The following WDR91 variants were observed in gnomAD, a reference collection of about 807,000 sequenced individuals.
WDR91 encodes WD repeat domain 91.
Under a neutral mutation model 88.4 loss-of-function variants are expected in WDR91, and 52 were observed. That is an observed-to-expected ratio of 0.59 (90% CI 0.47 to 0.74). WDR91 has a LOEUF of 0.74. WDR91 is among the 30% of genes least tolerant of loss of function. The pLI is 0.00. For missense variants in WDR91, 824 were observed against 954.5 expected, an observed-to-expected ratio of 0.86 and a Z score of 1.80; for synonymous variants, 362 against 389.5, an observed-to-expected ratio of 0.93 and a Z score of 0.83.
chr7:135,196,477 T>C lies in WDR91; in HGVS notation c.1051-140A>G, dbSNP rs898374398. The C allele has an allele frequency of 3.8e-6, 3 of 796,432 alleles. No individual in the cohort carries two copies. The highest frequency in any genetic ancestry group is 3.6e-5 in the African/African-American group (2 of 55,682). The allele number at this position is 796,432 out of a possible 1,614,324, so 49.3% of individuals were successfully genotyped here. On this transcript the variant is annotated intron_variant, in intron 7 of 14. Coordinates refer to ENST00000354475, the MANE Select transcript of WDR91 (RefSeq NM_014149.4). The surrounding 1 kb of genome is among the most constrained non-coding windows in gnomAD (Gnocchi z 4.2). ...CAGAGTGGAGAGGAGAGCTCTGACC[T>C]GCGAGGGTAGTGCTCAGCTCACCCT...
chr7:135,209,896 C>T, intron 1 of WDR91, 141 bp from the exon 2 acceptor site: 1 of 615,294 alleles, frequency 1.6e-6, no homozygotes, highest in Admixed American at 3.9e-5. Flanking sequence ...ATTTTCAAAA[C>T]ATACTAATGC....
chr7:135,204,534 C>G, intron 5 of WDR91, 101 bp from the exon 6 acceptor site: 5 of 1,345,212 alleles, frequency 3.7e-6, no homozygotes, highest in Non-Finnish European at 5.1e-6. Flanking sequence ...AGTGACCAGG[C>G]CTGGGTCAGG....
rs569151483 is a variant in WDR91 at position 135,201,641 on chromosome 7, C to A, written c.891+2627G>T. ...TTGCTAATTTAACAACAAAATACAG[C>A]CTATTTTTTGTGTGTGCTTATTCTT... On this transcript the variant is annotated intron_variant, in intron 6 of 14. Coordinates refer to ENST00000354475, the MANE Select transcript of WDR91 (RefSeq NM_014149.4). 4.6e-5 allele frequency: 7 copies of A among 152,248 alleles called. No individual in the cohort carries two copies. The East Asian group carries it at 1.3e-3, about 29-fold the overall frequency. 9.4% of individuals were successfully genotyped at this position (152,248 alleles called of 1,614,324 possible).
At chr7:135,193,989 A>C in intron 9 of WDR91, 8 of 288,640 alleles carry the variant, frequency 2.8e-5, no homozygotes, top group South Asian at 1.7e-4. Context: ...TCAGTTTGAA[A>C]CCCCAGCTGT....
At chr7:135,186,824 A>T in intron 14 of WDR91, 148 bp downstream of exon 14, 1 of 951,462 alleles carries the variant, frequency 1.1e-6, no homozygotes, top group Non-Finnish European at 1.6e-6. Flanking sequence ...CCCCAGCACT[A>T]GCTAGCCAGC....
chr7:135,211,395 C>G lies in WDR91; in HGVS notation c.108G>C (p.Lys36Asn). ...RQLDAEIKAD[K>N]EKGFRVDKIV... ...GGCCTCTCACCCGGAACCCCTTCTC[C>G]TTGTCCGCCTTGATCTCGGCGTCCA... The change falls in exon 1 of 15, where the codon AAG becomes AAC. Residue 36 changes from lysine (K) to asparagine (N), a missense_variant. Lys to Asn is a moderately conservative substitution (Grantham distance 94). Transcript: ENST00000354475. 1 of 1,611,176 alleles carries G rather than the reference C, an allele frequency of 6.2e-7. No individual in the cohort carries two copies. Among genetic ancestry groups the G allele is most frequent in the Non-Finnish European group, 8.5e-7 (1 of 1,178,906 alleles).
At chr7:135,207,756 C>T (rs292597) in intron 3 of WDR91, among the ~76,000 whole-genome samples, 96,443 of 152,134 alleles carry the variant, frequency 0.63, 31,435 homozygotes, top group Admixed American at 0.76. Flanking sequence ...GATACTGGTC[C>T]TTCTCCACTG....
chr7:135,193,932 T>C lies in WDR91; in HGVS notation c.1396-260A>G, dbSNP rs909328876. The C allele has an allele frequency of 2.0e-4, 90 of 442,002 alleles. 1 individual carries two copies. The highest frequency in any genetic ancestry group is 1.7e-3 in the African/African-American group (85 of 50,360). 27.4% of individuals were successfully genotyped at this position (442,002 alleles called of 1,614,324 possible). A position where few individuals can be genotyped will look rare whatever the true frequency, so the allele number is the denominator to read the frequency against. On this transcript the variant is annotated intron_variant, in intron 9 of 14. Transcript: ENST00000354475. ...AGAGACGCGTCACCTTGGACACATA[T>C]GGAAATGTTCTGGCTGGTGAATGAG... is the stretch of plus-strand genomic sequence containing the variant.
rs1717656474 is a variant in WDR91, at chr7:135,195,096, G to A, written c.1245-12C>T. 6 of 1,609,874 alleles carry A rather than the reference G, an allele frequency of 3.7e-6. No homozygotes were observed. The highest frequency in any genetic ancestry group is 5.1e-6 in the Non-Finnish European group (6 of 1,178,054). Reference sequence around the variant, plus strand: ...CAGAGCAGTCCACTCTGAGATGAGAGAAAAGGGAGGCCTGTCAGCTGGCCT... The same window carrying A: ...CAGAGCAGTCCACTCTGAGATGAGAAAAAAGGGAGGCCTGTCAGCTGGCCT... On this transcript the variant is annotated splice_polypyrimidine_tract_variant and intron_variant, in intron 8 of 14. Transcript: ENST00000354475.
intron 6 of WDR91, among the ~76,000 whole-genome samples, chr7:135,203,903 A>T (rs1831663817): frequency 6.6e-6 from 1 of 152,000 alleles, no homozygotes; most frequent in African/African-American, 2.4e-5. Flanking sequence ...GAGGTCTGGC[A>T]CTGCCTTGAT....
intron 11 of WDR91, among the ~76,000 whole-genome samples, chr7:135,189,999 T>G (rs2117635620): frequency 6.6e-6 from 1 of 152,308 alleles, no homozygotes; most frequent in African/African-American, 2.4e-5. Context: ...AAATTAAAAA[T>G]GCAAGATAGA....
intron 1 of WDR91, among the ~76,000 whole-genome samples, chr7:135,210,004 A>C (rs1562960046): frequency 6.6e-6 from 1 of 152,192 alleles, no homozygotes; most frequent in African/African-American, 2.4e-5. Flanking sequence ...CCAGAACCTA[A>C]GAGATCTGGC....
intron 11 of WDR91, among the ~76,000 whole-genome samples, chr7:135,190,578 A>G (rs1322331322): frequency 2.0e-5 from 3 of 152,214 alleles, no homozygotes. Context: ...TAGATTTATA[A>G]TGAGAACATA....
At chr7:135,210,958 C>G in intron 1 of WDR91, 1 of 702,648 alleles carries the variant, frequency 1.4e-6, no homozygotes, top group East Asian at 2.7e-5. Flanking sequence ...AAACAAACAC[C>G]GCAGATACTT....
intron 5 of WDR91, 84 bp from the exon 6 acceptor site, chr7:135,204,517 G>A (rs1831692344): frequency 1.4e-6 from 2 of 1,433,556 alleles, no homozygotes. Context: ...GGCTATGGAT[G>A]ACGTTAAGTG....
Position 135,193,414 on chromosome 7 carries a change from G to C in WDR91, c.1491-15C>G. ...GAGACAGGATTCTGCAACACACATG[G>C]GCCTGGGTCAGACCCTCTGCCTGCC... On this transcript the variant is annotated splice_polypyrimidine_tract_variant and intron_variant, in intron 10 of 14. Coordinates refer to ENST00000354475, the MANE Select transcript of WDR91 (RefSeq NM_014149.4). 11 of 1,613,516 alleles carry C rather than the reference G, an allele frequency of 6.8e-6. No homozygotes were observed. The highest frequency in any genetic ancestry group is 9.3e-6 in the Non-Finnish European group (11 of 1,179,634).
chr7:135,196,212 G>C lies in WDR91; in HGVS notation c.1176C>G (p.Pro392=), dbSNP rs201708540. 2.2e-5 allele frequency: 35 copies of C among 1,610,900 alleles called. No homozygotes were observed. Among genetic ancestry groups the C allele is most frequent in the South Asian group, 3.3e-5 (3 of 90,760 alleles). ...GTCCCAGCACAATAAAGGGCTGCTC[G>C]GGGCGGACTCCTCCACCCTCAGGGC... ...SAGPEGGGVR[P]EQPFIVLGQE... is the part of the protein sequence containing the mutation. The change falls in exon 8 of 15, where the codon CCC becomes CCG. Residue 392 remains proline (P), a synonymous_variant. Transcript: ENST00000354475. The surrounding 1 kb of genome is among the most constrained non-coding windows in gnomAD (Gnocchi z 4.2).
chr7:135,186,329 G>A lies in WDR91; in HGVS notation c.2080-14C>T, dbSNP rs766911056. 14 of 1,608,890 alleles carry A rather than the reference G, an allele frequency of 8.7e-6. No individual in the cohort carries two copies. The Admixed American group carries it at 2.4e-4, about 27-fold the overall frequency. On this transcript the variant is annotated splice_polypyrimidine_tract_variant and intron_variant, in intron 14 of 14. Coordinates refer to ENST00000354475, the MANE Select transcript of WDR91 (RefSeq NM_014149.4). ...ATCGCCACCCAGCTGCAAGAGGACA[G>A]GAAAGAGGAGGAGGTGTCAGCAAAC...
At position 135,187,122 on chromosome 7, in the gene WDR91, G is replaced by A. The variant is rs1182921493; in HGVS notation, c.1929C>T (p.Tyr643=). The change falls in exon 14 of 15, where the codon TAC becomes TAT. Residue 643 remains tyrosine, a synonymous_variant. Transcript: ENST00000354475. ...GGCCCGTGGCATCTGAGGGGAGGCT[G>A]TACTCGGATACCTTGAGGCCACTCT... ...IHKSGLKVSE[Y]SLPSDATGPF... 16 of 1,614,266 alleles carry A rather than the reference G, an allele frequency of 9.9e-6. No individual in the cohort carries two copies. Among genetic ancestry groups the A allele is most frequent in the Non-Finnish European group, 1.3e-5 (15 of 1,180,056 alleles).
Sources: allele counts gnomAD v4.1 joint callset (sites outside exome capture counted in the v4.1 genomes callset), GRCh38; gene constraint gnomAD v4.1.1; non-coding constraint Gnocchi (gnomAD v3.1); transcripts MANE v1.5; gene names NCBI Gene and HGNC (gene_info 2026-07-23, HGNC 2026-07-21).